The following POLG variants were observed in gnomAD, a reference collection of about 807,000 sequenced individuals.
POLG encodes DNA polymerase subunit gamma-1.
Under a neutral mutation model 155.4 loss-of-function variants are expected in POLG, and 110 were observed. The observed-to-expected ratio is 0.71, with a 90% CI of 0.61 to 0.83. The LOEUF (loss-of-function observed/expected upper bound fraction) is 0.83. Among genes scored for constraint, POLG ranks in the 40% least tolerant of loss-of-function variants. The pLI is 0.00. For synonymous variants in POLG, 701 were observed against 631.5 expected (o/e 1.11, Z -1.65); for missense variants, 1,685 against 1,627.5 (o/e 1.04, Z -0.61).
At chr15:89,330,031 C>T (rs910127429) in intron 3 of POLG, 50 bp downstream of exon 3, 3 of 1,470,612 alleles carry the variant, frequency 2.0e-6, no homozygotes, top group Non-Finnish European at 2.9e-6. Context: ...GAGATTAGGG[C>T]TCCTGGCCCA....
intron 18 of POLG, 153 bp from the exon 19 acceptor site, chr15:89,319,503 C>T (rs1596351031): frequency 9.7e-7 from 1 of 1,031,788 alleles, no homozygotes; most frequent in East Asian, 2.6e-5. Context: ...AGAAACGGCT[C>T]AGAGAGGCTA....
Position 89,333,256 on chromosome 15 carries a change from G to A in POLG, c.499C>T (p.Pro167Ser). Residue 167 changes from proline to serine, a missense_variant, in exon 2 of 23, where the codon CCG becomes TCG. Pro to Ser is a moderately conservative substitution (Grantham distance 74). Transcript: ENST00000268124. Reference sequence around the variant, plus strand: ...CAGCCCTCCGCCCAGGCCCAAGCCGGGGGCTTCGGGGGCAGCTGGGCCTGC... The same window carrying A: ...CAGCCCTCCGCCCAGGCCCAAGCCGAGGGCTTCGGGGGCAGCTGGGCCTGC... Reference protein sequence around the residue: ...LLQAQLPPKPPAWAWAEGWTR... With the variant: ...LLQAQLPPKPSAWAWAEGWTR... 6.4e-7 allele frequency: 1 copy of A among 1,565,048 alleles called. No individual in the cohort carries two copies. Among genetic ancestry groups the A allele is most frequent in the Middle Eastern group, 1.7e-4 (1 of 5,942 alleles).
chr15:89,322,400 T>C (rs529076162), intron 14 of POLG, among the ~76,000 whole-genome samples: 2 of 152,318 alleles, frequency 1.3e-5, no homozygotes, highest in African/African-American at 4.8e-5. Context: ...ACATTTGCCA[T>C]TCCAGACTAG....
In POLG at chr15:89,316,350, T is replaced by G; in HGVS notation, c.*401A>C. 6.4e-7 allele frequency: 1 copy of G among 1,563,402 alleles called. No homozygotes were observed. Among genetic ancestry groups the G allele is most frequent in the Non-Finnish European group, 8.8e-7 (1 of 1,141,970 alleles). Reference sequence around the variant, plus strand: ...TTTCCTTCTTTTTATTTCCACTGCCTTGGAGCAGGTTTATCACGTTAGAGC... The same window carrying G: ...TTTCCTTCTTTTTATTTCCACTGCCGTGGAGCAGGTTTATCACGTTAGAGC... On this transcript the variant is annotated 3_prime_UTR_variant, in exon 23 of 23. Coordinates refer to ENST00000268124, the MANE Select transcript of POLG (RefSeq NM_002693.3).
In POLG at chr15:89,316,407, C is replaced by T. The variant is rs1175571117; in HGVS notation, c.*344G>A. The stretch of plus-strand genomic sequence containing the variant: ...TCTTTCCCCTTCTAGGGCACTGCAT[C>T]AGAGCATGGGGGACAGAACAAAGAA... On this transcript the variant is annotated 3_prime_UTR_variant, in exon 23 of 23. Coordinates refer to ENST00000268124, the MANE Select transcript of POLG (RefSeq NM_002693.3). 1 of 1,611,842 alleles carries T rather than the reference C, an allele frequency of 6.2e-7. No homozygotes were observed. Among genetic ancestry groups the T allele is most frequent in the Non-Finnish European group, 8.5e-7 (1 of 1,178,690 alleles).
chr15:89,323,632 G>A (rs2055430062), intron 12 of POLG, 121 bp from the exon 13 acceptor site: 2 of 812,950 alleles, frequency 2.5e-6, no homozygotes, highest in South Asian at 2.8e-5. Context: ...ATGACAAGAT[G>A]GCCATGAGGT....
intron 2 of POLG, among the ~76,000 whole-genome samples, chr15:89,331,120 G>A (rs1354032060): frequency 6.8e-6 from 1 of 146,566 alleles, no homozygotes; most frequent in African/African-American, 2.6e-5. Context: ...AGCTGCGAAG[G>A]AGCTCCTTGC....
chr15:89,319,191 C>A (rs1245240581), intron 19 of POLG, 37 bp downstream of exon 19: 2 of 1,614,074 alleles, frequency 1.2e-6, no homozygotes, highest in African/African-American at 2.7e-5. Flanking sequence ...CAAGCCCAGA[C>A]CCCTCCCTCC....
In POLG at chr15:89,333,495, A is replaced by G. The variant is rs776347449; in HGVS notation, c.260T>C (p.Ile87Thr). Residue 87 changes from isoleucine to threonine, a missense_variant, in exon 2 of 23, where the codon ATC becomes ACC. By Grantham distance (89) the Ile-to-Thr change is moderately conservative. Around this residue, in one of 3 missense-constraint regions of POLG, gnomAD observed 1,210 missense variants for 1,167.1 expected, o/e 1.04. Coordinates refer to ENST00000268124, the MANE Select transcript of POLG (RefSeq NM_002693.3). ...AGGCATCTCCCCTCCTTGCCCGAAG[A>G]TTTGCTCGTGCAGCCCTCTCGAGAG... ...QMLSRGLHEQ[I>T]FGQGGEMPGE... The G allele has an allele frequency of 4.3e-6, 7 of 1,612,706 alleles. No individual in the cohort carries two copies. The highest frequency in any genetic ancestry group is 5.9e-6 in the Non-Finnish European group (7 of 1,179,682).
chr15:89,321,254 G>C lies in POLG; in HGVS notation c.2605C>G (p.Arg869Gly), dbSNP rs751376824. The change falls in exon 17 of 23, where the codon CGA becomes GGA. Residue 869 changes from arginine to glycine, a missense_variant. Coordinates refer to ENST00000268124, the MANE Select transcript of POLG (RefSeq NM_002693.3). ...WLTASNARPDRVGSELKAMVQ... is the reference protein window; with the variant it reads ...WLTASNARPDGVGSELKAMVQ... Reference sequence around the variant, plus strand: ...ATGGCTTTCAACTCACTGCCTACTCGGTCAGGCTGTGGGAAGAGTGAGATA... The same window carrying C: ...ATGGCTTTCAACTCACTGCCTACTCCGTCAGGCTGTGGGAAGAGTGAGATA... 6.2e-7 allele frequency: 1 copy of C among 1,613,942 alleles called. No homozygotes were observed. Among genetic ancestry groups the C allele is most frequent in the African/African-American group, 1.3e-5 (1 of 74,924 alleles).
At chr15:89,319,400 CG>C (rs1567185921) in intron 18 of POLG, 50 bp from the exon 19 acceptor site, 5 of 1,608,890 alleles carry the variant, frequency 3.1e-6, no homozygotes, top group Non-Finnish European at 4.2e-6. Context: ...TCCTGTGCCA[CG>C]CTAGTGCCTT....
In POLG at chr15:89,326,892, C is replaced by T. The variant is rs756177344; in HGVS notation, c.1585+20G>A. 3 of 1,613,822 alleles carry T rather than the reference C, an allele frequency of 1.9e-6. No homozygotes were observed. The highest frequency in any genetic ancestry group is 1.7e-6 in the Non-Finnish European group (2 of 1,179,870). ...AGAGACAACCCCTACCCTACCCTAC[C>T]TCCCACCCATGCTCCCCACCTTCCT... On this transcript the variant is annotated intron_variant, in intron 8 of 22. Transcript: ENST00000268124.
Position 89,327,185 on chromosome 15 carries a change from T to C in POLG, c.1415A>G (p.Gln472Arg). The C allele has an allele frequency of 6.2e-7, 1 of 1,614,236 alleles. No individual in the cohort carries two copies. Residue 472 changes from glutamine (Q) to arginine (R), a missense_variant, in exon 7 of 23, where the codon CAG becomes CGG. Coordinates refer to ENST00000268124, the MANE Select transcript of POLG (RefSeq NM_002693.3). Reference sequence around the variant, plus strand: ...TGGCTACCTCTCTCCTGAGAGCAGCTGGCAGGCATCATTGGCCAGATCCAT... The same window carrying C: ...TGGCTACCTCTCTCCTGAGAGCAGCCGGCAGGCATCATTGGCCAGATCCAT... ...SLMDLANDAC[Q>R]LLSGERYKED...
In POLG at chr15:89,319,082, C is replaced by T; in HGVS notation, c.3122G>A (p.Trp1041Ter). The T allele has an allele frequency of 6.2e-7, 1 of 1,614,172 alleles. No individual in the cohort carries two copies. ...ETARKSQWKK[W>*]EVVAERAWKG... is the part of the protein sequence containing the mutation. ...CCATGCCCGTTCAGCAACCACCTCC[C>T]ACTTCTTCCACTGTGACCTAAGGGA... The change falls in exon 20 of 23, where the codon TGG becomes TAG. Residue 1041 changes from tryptophan to a stop codon, truncating the protein, a stop_gained. Transcript: ENST00000268124. LOFTEE classifies it high-confidence loss of function.
intron 19 of POLG, 33 bp from the exon 20 acceptor site, chr15:89,319,132 C>T (rs921650067): frequency 1.2e-6 from 2 of 1,614,064 alleles, no homozygotes; most frequent in African/African-American, 2.7e-5. Flanking sequence ...CAGACTTTGT[C>T]TTTCAGCATC....
chr15:89,319,428 A>G (rs910776749), intron 18 of POLG, 78 bp from the exon 19 acceptor site: 6 of 1,580,864 alleles, frequency 3.8e-6, no homozygotes, highest in East Asian at 4.5e-5. Flanking sequence ...GAATGTTCAC[A>G]TATCACTTCA....
rs558958919 is a variant in POLG at position 89,333,371 on chromosome 15, C to T, written c.384G>A (p.Pro128=). The T allele has an allele frequency of 1.9e-6, 3 of 1,576,992 alleles. No homozygotes were observed. Among genetic ancestry groups the T allele is most frequent in the East Asian group, 2.3e-5 (1 of 42,788 alleles). ...VPLPDVELRL[P]PLYGDNLDQH... ...GGTCCAGGTTGTCCCCGTAGAGGGG[C>T]GGCAGGCGCAGCTCCACGTCGGGCA... Residue 128 remains proline (P), a synonymous_variant, in exon 2 of 23, where the codon CCG becomes CCA. Transcript: ENST00000268124.
At chr15:89,323,035 TCACGCACGCGCGCACGCGCG>T (rs2055419001) in intron 13 of POLG, 133 bp from the exon 14 acceptor site, 6 of 900,612 alleles carry the variant, frequency 6.7e-6, no homozygotes, top group South Asian at 6.2e-5. Context: ...CCTGATTGTA[TCACGCACGCGCGCACGCGCG>T]CACGCACACA....
chr15:89,322,162 T>A, intron 14 of POLG, 147 bp from the exon 15 acceptor site: 1 of 804,820 alleles, frequency 1.2e-6, no homozygotes, highest in Middle Eastern at 2.5e-4. Flanking sequence ...GAGCCCTGGC[T>A]CAGCCAAGAA....
Sources: allele counts gnomAD v4.1 joint callset (sites outside exome capture counted in the v4.1 genomes callset), GRCh38; gene constraint gnomAD v4.1.1; regional missense constraint gnomAD v4.1.1; transcripts MANE v1.5; gene names NCBI Gene and HGNC (gene_info 2026-07-23, HGNC 2026-07-21).